The following CFAP91 variants were observed in gnomAD, a reference collection of about 807,000 sequenced individuals.
CFAP91 encodes cilia and flagella associated protein 91.
In CFAP91, 85 loss-of-function variants were observed where a neutral mutation model predicts 95.9. The ratio of observed to expected loss-of-function variants is 0.89; its 90% CI spans 0.74 to 1.06. The LOEUF (loss-of-function observed/expected upper bound fraction) is 1.06, where lower values mean the gene tolerates loss of function less well. Ranked by LOEUF, CFAP91 falls within the 50% of genes least tolerant of loss-of-function variation. The pLI, the probability that CFAP91 is intolerant of heterozygous loss-of-function variation, is 0.00. For missense variants in CFAP91, 962 were observed against 943.4 expected (o/e 1.02, Z -0.26); for synonymous variants, 335 against 327.5 (o/e 1.02, Z -0.25).
chr3:119,704,197 T>A (rs1297166405), intron 1 of CFAP91, among the ~76,000 whole-genome samples: 1 of 152,172 alleles, frequency 6.6e-6, no homozygotes, highest in Admixed American at 6.5e-5. Flanking sequence ...CACGGGTAAT[T>A]TGAGAAGGAG....
chr3:119,743,959 T>C lies in CFAP91; in HGVS notation c.1681-16T>C, dbSNP rs750711647. 5.1e-6 allele frequency: 8 copies of C among 1,580,336 alleles called. No homozygotes were observed. Among genetic ancestry groups the C allele is most frequent in the African/African-American group, 1.4e-5 (1 of 73,856 alleles). ...AATGGAATTTGTGTCCTTAAAGTTA[T>C]GTTATTCTTTTCAAGGTGTCACTGG... On this transcript the variant is annotated splice_polypyrimidine_tract_variant and intron_variant, in intron 13 of 17. Coordinates refer to ENST00000273390, the MANE Select transcript of CFAP91 (RefSeq NM_033364.4).
Position 119,735,187 on chromosome 3 carries a change from A to G in CFAP91, c.1344+1681A>G, listed in dbSNP as rs76697183. Among the ~76,000 whole-genome samples the G allele has an allele frequency of 3.8e-3, 573 of 151,988 alleles. 5 individuals carry two copies. The highest frequency in any genetic ancestry group is 0.013 in the African/African-American group (541 of 41,484). ...AGGCTTGCTTATTTTCTTAGTATTT[A>G]TGTTTCCAAACAATGAACTTTTGAT... On this transcript the variant is annotated intron_variant, in intron 10 of 17. Transcript: ENST00000273390.
Position 119,705,746 on chromosome 3 carries a change from T to C in CFAP91, c.125-1063T>C, listed in dbSNP as rs1232552142. ...TTTGTTGTTTGTTGTCTCTCTCTCA[T>C]GAAGTCAAAGATTTTTGTCGTTTTG... On this transcript the variant is annotated intron_variant, in intron 1 of 17. Coordinates refer to ENST00000273390, the MANE Select transcript of CFAP91 (RefSeq NM_033364.4). Among the ~76,000 whole-genome samples, 5 of 152,218 alleles carry C rather than the reference T, an allele frequency of 3.3e-5. 1 individual carries two copies. In the South Asian group the frequency reaches 1.0e-3, roughly 32 times the overall value.
At chr3:119,733,765 C>T (rs1290905928) in intron 10 of CFAP91, among the ~76,000 whole-genome samples, 2 of 152,176 alleles carry the variant, frequency 1.3e-5, no homozygotes, top group Admixed American at 6.5e-5. Context: ...ACTTGGATCT[C>T]TATATAAAAT....
chr3:119,728,609 C>G (rs921151957), intron 7 of CFAP91, among the ~76,000 whole-genome samples: 16 of 152,120 alleles, frequency 1.1e-4, no homozygotes, highest in African/African-American at 3.9e-4. Flanking sequence ...TTTAAAAATG[C>G]CTACCTCTCC....
At chr3:119,735,552 C>T (rs1380763021) in intron 10 of CFAP91, among the ~76,000 whole-genome samples, 1 of 152,202 alleles carries the variant, frequency 6.6e-6, no homozygotes, top group Non-Finnish European at 1.5e-5. Context: ...CTCATTTTCT[C>T]ATTAACCTCT....
rs1264843523 is a variant in CFAP91 at position 119,747,140 on chromosome 3, T to C, written c.1928T>C (p.Ile643Thr). ...GTGGTTAAAGTTCACCATAGTACTA[T>C]AAGCTCCTACCTAGAAGACATAATA... The part of the protein sequence containing the change: ...KEVVKVHHST[I>T]SSYLEDIILN... The change falls in exon 15 of 18, where the codon ATA (isoleucine) becomes ACA (threonine). Residue 643 changes from isoleucine (I) to threonine (T), a missense_variant. Transcript: ENST00000273390. 6.2e-7 allele frequency: 1 copy of C among 1,610,302 alleles called. No homozygotes were observed. Among genetic ancestry groups the C allele is most frequent in the Non-Finnish European group, 8.5e-7 (1 of 1,178,420 alleles).
intron 16 of CFAP91, among the ~76,000 whole-genome samples, chr3:119,748,892 T>C (rs1174307156): frequency 6.6e-6 from 1 of 152,190 alleles, no homozygotes; most frequent in Non-Finnish European, 1.5e-5. Context: ...ATAAGGTATA[T>C]GTATTTTACA....
chr3:119,718,576 AATG>A (rs1218780833), intron 6 of CFAP91, among the ~76,000 whole-genome samples: 3 of 152,170 alleles, frequency 2.0e-5, no homozygotes, highest in Non-Finnish European at 4.4e-5. Context: ...TACCAAGCAG[AATG>A]ATTTTTTAAA....
rs752089934 is a variant in CFAP91 at position 119,706,898 on chromosome 3, C to G, written c.201+13C>G. The G allele has an allele frequency of 6.2e-7, 1 of 1,605,572 alleles. No individual in the cohort carries two copies. Among genetic ancestry groups the G allele is most frequent in the Non-Finnish European group, 8.5e-7 (1 of 1,173,590 alleles). On this transcript the variant is annotated intron_variant, in intron 2 of 17. Transcript: ENST00000273390. ...TCGCAGCAGACTGGTATGTCTAATT[C>G]ATCAGCCAAGGCTACCTGATGAACC... is the stretch of plus-strand genomic sequence containing the variant.
chr3:119,751,408 T>C (rs1265478333), intron 17 of CFAP91, among the ~76,000 whole-genome samples: 1 of 152,180 alleles, frequency 6.6e-6, no homozygotes, highest in African/African-American at 2.4e-5. Context: ...GTGTTACATA[T>C]AAACAATCTT....
chr3:119,745,434 T>A (rs1430631023), intron 14 of CFAP91, among the ~76,000 whole-genome samples: 1 of 152,200 alleles, frequency 6.6e-6, no homozygotes, highest in Non-Finnish European at 1.5e-5. Context: ...ACAAATATAA[T>A]CTGGTGTGCA....
At chr3:119,726,685 G>C (rs562606821) in intron 7 of CFAP91, among the ~76,000 whole-genome samples, 2 of 152,220 alleles carry the variant, frequency 1.3e-5, no homozygotes, top group South Asian at 4.1e-4. Context: ...AACTGTCACA[G>C]AATCCCACTA....
intron 17 of CFAP91, among the ~76,000 whole-genome samples, chr3:119,760,701 A>C (rs1022297998): frequency 6.6e-6 from 1 of 151,834 alleles, no homozygotes; most frequent in Non-Finnish European, 1.5e-5. Flanking sequence ...TGGTATATAA[A>C]ATAGAAATCA....
intron 6 of CFAP91, among the ~76,000 whole-genome samples, chr3:119,716,291 C>T (rs2053573189): frequency 6.6e-6 from 1 of 152,178 alleles, no homozygotes; most frequent in Non-Finnish European, 1.5e-5. Context: ...TTATGTGAAC[C>T]TATAAAATTA....
chr3:119,710,731 C>T (rs563708933), intron 5 of CFAP91, among the ~76,000 whole-genome samples: 2 of 151,866 alleles, frequency 1.3e-5, no homozygotes, highest in East Asian at 3.9e-4. Flanking sequence ...AATTTTATAA[C>T]TTAATAACCA....
At chr3:119,750,872 G>T in intron 16 of CFAP91, 65 bp from the exon 17 acceptor site, 1 of 1,580,804 alleles carries the variant, frequency 6.3e-7, no homozygotes, top group South Asian at 1.1e-5. Context: ...TGACTCTCTT[G>T]AAACATTTGG....
chr3:119,707,168 A>G (rs1042337139), intron 2 of CFAP91: 1 of 541,310 alleles, frequency 1.8e-6, no homozygotes. Context: ...GTATAAAAGC[A>G]TATACAGTGT....
At chr3:119,731,840 T>C (rs1457199136) in intron 8 of CFAP91, among the ~76,000 whole-genome samples, 1 of 152,246 alleles carries the variant, frequency 6.6e-6, no homozygotes, top group African/African-American at 2.4e-5. Flanking sequence ...CAGAAAGCTG[T>C]AAGCTGAGAC....
Sources: gnomAD v4.1 joint callset for allele counts (sites outside exome capture counted in the v4.1 genomes callset) on GRCh38, gnomAD v4.1.1 for gene constraint, MANE v1.5 for transcripts, NCBI Gene and HGNC (gene_info 2026-07-23, HGNC 2026-07-21) for gene names.